NELL1: variants seen among roughly 807,000 people sequenced by gnomAD.
NELL1 encodes neural EGFL like 1.
A neutral mutation model predicts 107.4 loss-of-function variants in NELL1; 76 were observed. The observed-to-expected ratio is 0.71, with a 90% CI of 0.59 to 0.86. NELL1 has a LOEUF of 0.86. Among genes scored for constraint, NELL1 ranks in the 40% least tolerant of loss-of-function variants. The pLI, the probability that NELL1 is intolerant of heterozygous loss-of-function variation, is 0.00. For synonymous variants in NELL1, 353 were observed against 341.2 expected, an observed-to-expected ratio of 1.03 and a Z score of -0.38; for missense variants, 1,024 against 1,005.5, an observed-to-expected ratio of 1.02 and a Z score of -0.25.
chr11:21,048,921 A>T (rs911798183), intron 12 of NELL1, among the ~76,000 whole-genome samples: 3 of 152,146 alleles, frequency 2.0e-5, no homozygotes, highest in Admixed American at 6.6e-5. Flanking sequence ...GCACACTCTG[A>T]CTTGGAGACT....
chr11:20,887,470 A>G (rs1490727123), intron 5 of NELL1, among the ~76,000 whole-genome samples: 1 of 152,198 alleles, frequency 6.6e-6, no homozygotes, highest in Non-Finnish European at 1.5e-5. Context: ...CCAGCAATCT[A>G]TGAAAATTTC....
At chr11:21,006,020 T>C (rs1335128825) in intron 12 of NELL1, among the ~76,000 whole-genome samples, 2 of 151,392 alleles carry the variant, frequency 1.3e-5, no homozygotes, top group Admixed American at 1.3e-4. Context: ...TAGATATAAT[T>C]GATAATTTCA....
chr11:21,304,695 C>A (rs1849570145), intron 14 of NELL1, among the ~76,000 whole-genome samples: 1 of 151,714 alleles, frequency 6.6e-6, no homozygotes, highest in East Asian at 1.9e-4. Context: ...TTTTGTCTTG[C>A]CCTGTTGTAT....
At chr11:21,205,183 A>C (rs535566955) in intron 13 of NELL1, among the ~76,000 whole-genome samples, 1 of 152,294 alleles carries the variant, frequency 6.6e-6, no homozygotes, top group Admixed American at 6.5e-5. Context: ...TCAGGCAGGC[A>C]CATTGAAGTC....
chr11:21,229,544 G>A (rs1857988727), intron 14 of NELL1, 90 bp downstream of exon 14: 2 of 1,545,342 alleles, frequency 1.3e-6, no homozygotes, highest in Admixed American at 1.8e-5. Context: ...GTAACTCTTG[G>A]TGGAACACAG....
intron 14 of NELL1, among the ~76,000 whole-genome samples, chr11:21,232,249 G>C (rs1364204960): frequency 6.8e-6 from 1 of 147,298 alleles, no homozygotes; most frequent in Non-Finnish European, 1.5e-5. Context: ...CGAATTGCTC[G>C]AACCTGGGAG....
intron 10 of NELL1, among the ~76,000 whole-genome samples, chr11:20,938,531 T>G (rs574919438): frequency 6.6e-6 from 1 of 151,814 alleles, no homozygotes; most frequent in Non-Finnish European, 1.5e-5. Flanking sequence ...GAGGTCTGAG[T>G]TGGGGATGGG....
Position 20,698,819 on chromosome 11 carries a change from G to A in NELL1, c.184+20759G>A, listed in dbSNP as rs534190172. Among the ~76,000 whole-genome samples, 19 of 152,160 alleles carry A rather than the reference G, an allele frequency of 1.2e-4. No individual in the cohort carries two copies. The South Asian group carries it at 3.1e-3, about 25-fold the overall frequency. On this transcript the variant is annotated intron_variant, in intron 2 of 19. Transcript: ENST00000357134. ...TTCCTACCCTTCCCCACAAGTCCCC[G>A]AAGTCCATTATATTATTCTTTTCCT...
At chr11:21,149,713 G>C (rs1241369198) in intron 13 of NELL1, among the ~76,000 whole-genome samples, 2 of 152,110 alleles carry the variant, frequency 1.3e-5, no homozygotes, top group Admixed American at 1.3e-4. Flanking sequence ...TGTATACCAG[G>C]TGCTGTCACT....
At chr11:21,162,510 G>T (rs1480850204) in intron 13 of NELL1, among the ~76,000 whole-genome samples, 1 of 152,172 alleles carries the variant, frequency 6.6e-6, no homozygotes, top group Non-Finnish European at 1.5e-5. Context: ...GAGTGGTATA[G>T]TGTATGTGTT....
intron 3 of NELL1, among the ~76,000 whole-genome samples, chr11:20,815,449 C>T (rs1289580011): frequency 2.0e-5 from 3 of 152,024 alleles, no homozygotes; most frequent in African/African-American, 4.8e-5. Context: ...TTTGGCCACT[C>T]GCATGTCTTC....
chr11:21,525,834 C>G (rs1855839543), intron 15 of NELL1, among the ~76,000 whole-genome samples: 1 of 152,152 alleles, frequency 6.6e-6, no homozygotes. Flanking sequence ...TATGGTAAAA[C>G]TGACTCCATG....
chr11:21,407,509 T>G (rs1340070319), intron 15 of NELL1, among the ~76,000 whole-genome samples: 1 of 151,996 alleles, frequency 6.6e-6, no homozygotes, highest in Non-Finnish European at 1.5e-5. Flanking sequence ...GTCTCCCTAT[T>G]GCCTGTAAAC....
At chr11:21,174,275 C>T (rs1856666470) in intron 13 of NELL1, among the ~76,000 whole-genome samples, 1 of 151,758 alleles carries the variant, frequency 6.6e-6, no homozygotes, top group African/African-American at 2.4e-5. Context: ...GCAACATTAC[C>T]AAACTCTCCC....
intron 2 of NELL1, among the ~76,000 whole-genome samples, chr11:20,779,550 A>G (rs963841114): frequency 5.3e-5 from 8 of 152,238 alleles, no homozygotes; most frequent in African/African-American, 9.6e-5. Flanking sequence ...AATATTCACT[A>G]TAGGTTCCCA....
At chr11:21,548,053 G>A (rs1006963102) in intron 16 of NELL1, among the ~76,000 whole-genome samples, 7 of 152,012 alleles carry the variant, frequency 4.6e-5, no homozygotes, top group South Asian at 2.1e-4. Flanking sequence ...GATAATGAGA[G>A]TAGCATTATC....
chr11:20,705,933 C>T (rs979970419), intron 2 of NELL1, among the ~76,000 whole-genome samples: 3 of 152,118 alleles, frequency 2.0e-5, no homozygotes, highest in Non-Finnish European at 4.4e-5. Flanking sequence ...CATGACTGGC[C>T]ATCAGAGAAA....
chr11:20,692,074 A>T (rs1373566013), intron 2 of NELL1, among the ~76,000 whole-genome samples: 1 of 151,498 alleles, frequency 6.6e-6, no homozygotes, highest in Non-Finnish European at 1.5e-5. Flanking sequence ...ATTTGCATAG[A>T]GGTGTTTGTA....
intron 15 of NELL1, among the ~76,000 whole-genome samples, chr11:21,372,126 AC>A (rs575657510): frequency 1.2e-3 from 175 of 152,172 alleles, no homozygotes; most frequent in African/African-American, 4.0e-3. Context: ...CTTAAAAAAA[AC>A]ATATGAAAGA....
Sources: gnomAD v4.1 joint callset for allele counts (sites outside exome capture counted in the v4.1 genomes callset) on GRCh38, gnomAD v4.1.1 for gene constraint, MANE v1.5 for transcripts, NCBI Gene and HGNC (gene_info 2026-07-23, HGNC 2026-07-21) for gene names.